JMJD1C: variants seen among roughly 807,000 people sequenced by gnomAD.
JMJD1C encodes jumonji domain containing 1C, also known as jumonji domain-containing protein 1C.
JMJD1C carries 31 observed loss-of-function variants against 245.3 expected under a neutral mutation model. That is an observed-to-expected ratio of 0.13 (90% CI 0.09 to 0.17). The LOEUF (loss-of-function observed/expected upper bound fraction) is 0.17, where lower values mean the gene tolerates loss of function less well. JMJD1C is among the 10% of genes least tolerant of loss of function. The pLI, the probability that JMJD1C is intolerant of heterozygous loss-of-function variation, is 1.00. For missense variants in JMJD1C, 2,691 were observed against 3,000.2 expected (o/e 0.90, Z 2.41); for synonymous variants, 1,057 against 1,017.4 (o/e 1.04, Z -0.74).
Position 63,219,933 on chromosome 10 carries a change from A to G in JMJD1C, c.498T>C (p.His166=), listed in dbSNP as rs765588817. ...NPVLRDNPQL[H]EEVKVWVKEQ... ...CCTTTACCCAGACTTTCACTTCCTCATGAAGCTGCGGGTTGTCCCTGAGAA... is the reference window on the plus strand; with the variant it reads ...CCTTTACCCAGACTTTCACTTCCTCGTGAAGCTGCGGGTTGTCCCTGAGAA... Residue 166 remains histidine (H), a synonymous_variant, in exon 4 of 26, where the codon CAT becomes CAC. Transcript: ENST00000399262. 2 of 1,613,702 alleles carry G rather than the reference A, an allele frequency of 1.2e-6. No individual in the cohort carries two copies. The highest frequency in any genetic ancestry group is 1.1e-5 in the South Asian group (1 of 91,064).
intron 1 of JMJD1C, chr10:63,427,742 C>G (rs753476397): frequency 1.2e-5 from 16 of 1,376,046 alleles, no homozygotes; most frequent in Admixed American, 8.4e-5. Flanking sequence ...TTTGGTCTTG[C>G]CCAGTTCAAA....
At chr10:63,349,381 C>T (rs772456349) in intron 2 of JMJD1C, among the ~76,000 whole-genome samples, 4 of 152,158 alleles carry the variant, frequency 2.6e-5, no homozygotes, top group South Asian at 2.1e-4. Flanking sequence ...CAGAAGTTAT[C>T]GATACCAGTT....
chr10:63,263,729 C>G (rs61855469), intron 3 of JMJD1C, among the ~76,000 whole-genome samples: 1 of 151,944 alleles, frequency 6.6e-6, no homozygotes, highest in African/African-American at 2.4e-5. Flanking sequence ...GTCAGGAGTT[C>G]GAGACCAGTC....
At chr10:63,244,790 G>C (rs1344520211) in intron 3 of JMJD1C, among the ~76,000 whole-genome samples, 2 of 119,880 alleles carry the variant, frequency 1.7e-5, no homozygotes, top group South Asian at 3.1e-4. Context: ...CTGGGTGACA[G>C]AGCAACACTC....
At position 63,309,895 on chromosome 10, in the gene JMJD1C, C is replaced by G. The variant is rs533860694; in HGVS notation, c.334-45131G>C. Among the ~76,000 whole-genome samples the G allele has an allele frequency of 7.9e-4, 120 of 151,848 alleles. 1 individual carries two copies. The highest frequency in any genetic ancestry group is 2.8e-3 in the African/African-American group (117 of 41,404). On this transcript the variant is annotated intron_variant, in intron 2 of 25. Transcript: ENST00000399262. Reference sequence around the variant, plus strand: ...TCGCGCCATTGCACTCCAGCCTGGGCGACAGAACAAGATTTCGTCTCAAAA... The same window carrying G: ...TCGCGCCATTGCACTCCAGCCTGGGGGACAGAACAAGATTTCGTCTCAAAA...
At chr10:63,495,886 T>C (rs915496784) in intron 1 of JMJD1C, among the ~76,000 whole-genome samples, 3 of 151,556 alleles carry the variant, frequency 2.0e-5, no homozygotes, top group Non-Finnish European at 4.4e-5. Flanking sequence ...CAAAATATTT[T>C]AGCAATTAAA....
At chr10:63,257,073 T>C (rs773141871) in intron 3 of JMJD1C, among the ~76,000 whole-genome samples, 1 of 151,556 alleles carries the variant, frequency 6.6e-6, no homozygotes, top group Non-Finnish European at 1.5e-5. Context: ...CTGTCTCTAC[T>C]AAAAACACAA....
At chr10:63,244,389 G>A (rs1033596471) in intron 3 of JMJD1C, among the ~76,000 whole-genome samples, 1 of 152,074 alleles carries the variant, frequency 6.6e-6, no homozygotes, top group South Asian at 2.1e-4. Context: ...CAAACTACTG[G>A]GGAAAACAAG....
chr10:63,414,481 T>G (rs1022061476), intron 1 of JMJD1C, among the ~76,000 whole-genome samples: 1 of 152,144 alleles, frequency 6.6e-6, no homozygotes, highest in African/African-American at 2.4e-5. Flanking sequence ...CCCCGTAATT[T>G]TCTCAACTCT....
chr10:63,517,733 C>G (rs1955064895), intron 1 of JMJD1C, among the ~76,000 whole-genome samples: 1 of 151,924 alleles, frequency 6.6e-6, no homozygotes, highest in African/African-American at 2.4e-5. Context: ...TTCCTTTTCT[C>G]CCAGTGCCCC....
At chr10:63,480,890 A>T (rs1269326157) in intron 1 of JMJD1C, among the ~76,000 whole-genome samples, 1 of 152,246 alleles carries the variant, frequency 6.6e-6, no homozygotes, top group African/African-American at 2.4e-5. Flanking sequence ...CAGGATATTA[A>T]CTTTCTGGAG....
At chr10:63,406,054 C>G (rs760919875) in intron 1 of JMJD1C, among the ~76,000 whole-genome samples, 23 of 152,028 alleles carry the variant, frequency 1.5e-4, no homozygotes, top group Non-Finnish European at 2.8e-4. Context: ...GGAGGCTAAA[C>G]TAAGAAGAAA....
chr10:63,355,743 T>C (rs976507657), intron 2 of JMJD1C, among the ~76,000 whole-genome samples: 2 of 151,374 alleles, frequency 1.3e-5, no homozygotes, highest in African/African-American at 2.4e-5. Context: ...TAGTTACTTA[T>C]TAAAAAAAAA....
chr10:63,236,484 A>G (rs1348056518), intron 3 of JMJD1C, among the ~76,000 whole-genome samples: 4 of 152,222 alleles, frequency 2.6e-5, no homozygotes, highest in African/African-American at 4.8e-5. Context: ...TGGCAGTTCA[A>G]AAGTCTGGAA....
chr10:63,394,888 CG>C (rs1460085007), intron 1 of JMJD1C, among the ~76,000 whole-genome samples: 1 of 147,128 alleles, frequency 6.8e-6, no homozygotes, highest in East Asian at 2.0e-4. Flanking sequence ...AAATTGGAAA[CG>C]TTTTACTCTG....
intron 3 of JMJD1C, among the ~76,000 whole-genome samples, chr10:63,243,967 A>C (rs1851840982): frequency 6.6e-6 from 1 of 152,162 alleles, no homozygotes; most frequent in South Asian, 2.1e-4. Context: ...ACACTGGAAA[A>C]AGTAAGATCA....
At chr10:63,344,859 G>C (rs1943677096) in intron 2 of JMJD1C, among the ~76,000 whole-genome samples, 1 of 152,004 alleles carries the variant, frequency 6.6e-6, no homozygotes, top group Non-Finnish European at 1.5e-5. Flanking sequence ...AAAAATAAAA[G>C]TCAACCCTAG....
chr10:63,208,560 T>C lies in JMJD1C; in HGVS notation c.3109A>G (p.Thr1037Ala). 6.2e-7 allele frequency: 1 copy of C among 1,614,078 alleles called. No individual in the cohort carries two copies. Among genetic ancestry groups the C allele is most frequent in the Non-Finnish European group, 8.5e-7 (1 of 1,179,938 alleles). The change falls in exon 10 of 26, where the codon ACT (threonine) becomes GCT (alanine). Residue 1037 changes from threonine to alanine, a missense_variant. Physicochemically the swap from Thr to Ala is moderately conservative, Grantham distance 58. Coordinates refer to ENST00000399262, the MANE Select transcript of JMJD1C (RefSeq NM_032776.3). ...QESIDVAPFT[T>A]KIKGLEGERE... is the part of the protein sequence containing the mutation. ...TCACCCTCAAGTCCCTTGATTTTAG[T>C]TGTAAAGGGAGCAACATCAATACTT...
intron 1 of JMJD1C, among the ~76,000 whole-genome samples, chr10:63,502,143 G>A (rs1193912264): frequency 6.6e-6 from 1 of 152,114 alleles, no homozygotes; most frequent in African/African-American, 2.4e-5. Flanking sequence ...TGGAATGCAT[G>A]AGAGACAATT....
Sources: gnomAD v4.1 joint callset for allele counts (sites outside exome capture counted in the v4.1 genomes callset) on GRCh38, gnomAD v4.1.1 for gene constraint, MANE v1.5 for transcripts, NCBI Gene and HGNC (gene_info 2026-07-23, HGNC 2026-07-21) for gene names.